ROBO2: variants seen among roughly 807,000 people sequenced by gnomAD.
The protein encoded by ROBO2 is roundabout guidance receptor 2.
ROBO2 carries 53 observed loss-of-function variants against 160.8 expected under a neutral mutation model. That is an observed-to-expected ratio of 0.33 (90% CI 0.26 to 0.41). The LOEUF (loss-of-function observed/expected upper bound fraction) is 0.41. Among genes scored for constraint, ROBO2 ranks in the 10% least tolerant of loss-of-function variants. The probability of loss-of-function intolerance (pLI) is 1.00; values close to 1 mark genes in which losing one functional copy is unlikely to be tolerated. For synonymous variants in ROBO2, 664 were observed against 611.7 expected (o/e 1.09, Z -1.26); for missense variants, 1,577 against 1,722.4 (o/e 0.92, Z 1.49).
chr3:76,659,356 T>C (rs1393165118), intron 2 of ROBO2, among the ~76,000 whole-genome samples: 1 of 149,338 alleles, frequency 6.7e-6, no homozygotes, highest in Non-Finnish European at 1.5e-5. Context: ...CATATAAATA[T>C]ATACATATAT....
At chr3:76,637,152 C>T (rs1469882015) in intron 2 of ROBO2, among the ~76,000 whole-genome samples, 6 of 152,080 alleles carry the variant, frequency 3.9e-5, no homozygotes, top group East Asian at 1.9e-4. Flanking sequence ...GACTATACAG[C>T]AGTGTTCACA....
chr3:77,316,466 T>C (rs1481383362), intron 2 of ROBO2, among the ~76,000 whole-genome samples: 4 of 152,108 alleles, frequency 2.6e-5, no homozygotes, highest in Non-Finnish European at 5.9e-5. Flanking sequence ...TGCCTACATA[T>C]TACCAGCTAC....
At chr3:77,425,298 G>T (rs1376533257) in intron 2 of ROBO2, among the ~76,000 whole-genome samples, 1 of 152,042 alleles carries the variant, frequency 6.6e-6, no homozygotes, top group Non-Finnish European at 1.5e-5. Context: ...ATTGCAAATT[G>T]CTGGAAGTAT....
intron 2 of ROBO2, among the ~76,000 whole-genome samples, chr3:75,962,970 T>A (rs527954804): frequency 1.3e-5 from 2 of 151,892 alleles, no homozygotes; most frequent in Non-Finnish European, 2.9e-5. Context: ...ATCTGTCTCC[T>A]TTCCTTCAGG....
At chr3:75,965,027 T>C (rs1380784306) in intron 2 of ROBO2, 2 of 151,634 alleles carry the variant, frequency 1.3e-5, no homozygotes, top group Admixed American at 6.6e-5. Context: ...CTGTAACTGG[T>C]TGTGATTAAT....
intron 2 of ROBO2, among the ~76,000 whole-genome samples, chr3:76,291,584 G>T (rs35952754): frequency 0.051 from 7,780 of 152,074 alleles, 208 homozygotes; most frequent in African/African-American, 0.062. Context: ...GTTTGCTCTT[G>T]TTTTTCTAGT....
intron 2 of ROBO2, among the ~76,000 whole-genome samples, chr3:76,141,685 G>A (rs113914040): frequency 5.1e-4 from 77 of 152,072 alleles, no homozygotes; most frequent in Middle Eastern, 3.4e-3. Flanking sequence ...CTGAGTCCCA[G>A]TCTAGAGATC....
intron 1 of ROBO2, among the ~76,000 whole-genome samples, chr3:77,050,346 C>G (rs2065092454): frequency 3.9e-5 from 6 of 152,014 alleles, no homozygotes; most frequent in African/African-American, 1.2e-4. Flanking sequence ...TTCTAAGTAC[C>G]TTTGAATGCC....
chr3:76,109,059 TTAA>T (rs1359410721), intron 2 of ROBO2, among the ~76,000 whole-genome samples: 4 of 151,976 alleles, frequency 2.6e-5, no homozygotes, highest in Non-Finnish European at 4.4e-5. Context: ...TCTAAAATCA[TTAA>T]TAATGCTGCT....
At chr3:77,495,336 C>T (rs977216884) in intron 5 of ROBO2, among the ~76,000 whole-genome samples, 4 of 152,030 alleles carry the variant, frequency 2.6e-5, no homozygotes, top group South Asian at 2.1e-4. Context: ...TACACTACAC[C>T]CAGTTTTCCT....
intron 2 of ROBO2, among the ~76,000 whole-genome samples, chr3:76,747,032 T>C (rs984245576): frequency 2.0e-5 from 3 of 152,152 alleles, no homozygotes; most frequent in Non-Finnish European, 2.9e-5. Flanking sequence ...TGTACCACAT[T>C]TTCTTTATCC....
chr3:76,889,125 G>A (rs2074145406), intron 2 of ROBO2, among the ~76,000 whole-genome samples: 1 of 152,154 alleles, frequency 6.6e-6, no homozygotes, highest in Non-Finnish European at 1.5e-5. Flanking sequence ...CTTGACTGAT[G>A]ATAGTTGTTG....
In ROBO2 at chr3:75,943,665, A is replaced by T. The variant is rs1409308274; in HGVS notation, c.109+6063A>T. Among the ~76,000 whole-genome samples the T allele has an allele frequency of 3.9e-5, 6 of 152,156 alleles. 1 individual carries two copies. The highest frequency in any genetic ancestry group is 2.0e-4 in the Admixed American group (3 of 15,270). ...TAAAGTGGTAGGATCAGATGTGAGA[A>T]ATATATAAACTAAGATATTCTTTTT... On this transcript the variant is annotated intron_variant, in intron 2 of 26. Transcript: ENST00000487694.
rs536648330 is a variant in ROBO2, at chr3:77,579,744, A to T, written c.2329-203A>T. ...AGCTTCCCTTATTGTTCTTCCTTTA[A>T]TACAGGTGCATGTGCACACAAACAC... On this transcript the variant is annotated intron_variant, in intron 15 of 25. Transcript: ENST00000461745. 3.9e-5 allele frequency among the ~76,000 whole-genome samples: 6 copies of T among 152,308 alleles called. No individual in the cohort carries two copies. The East Asian group carries it at 1.2e-3, about 29-fold the overall frequency.
chr3:77,203,681 C>T lies in ROBO2; in HGVS notation c.388+105341C>T, dbSNP rs1230669692. 2.6e-5 allele frequency among the ~76,000 whole-genome samples: 4 copies of T among 152,154 alleles called. No homozygotes were observed. The East Asian group carries it at 7.7e-4, about 29-fold the overall frequency. ...TACTTCACATTTTTATTGAAAGAGG[C>T]TTCGAGGCTTCTCTTTACAAGACAT... is the stretch of plus-strand genomic sequence containing the variant. On this transcript the variant is annotated intron_variant, in intron 2 of 25. Coordinates refer to ENST00000461745, the Ensembl canonical transcript of ROBO2.
chr3:77,414,532 A>T (rs965335008), intron 2 of ROBO2, among the ~76,000 whole-genome samples: 1 of 152,240 alleles, frequency 6.6e-6, no homozygotes, highest in African/African-American at 2.4e-5. Flanking sequence ...AGAAAAATTA[A>T]TGATACAGCA....
Position 77,522,915 on chromosome 3 carries a change from A to G in ROBO2, c.934+13A>G, listed in dbSNP as rs1422961602. The G allele has an allele frequency of 1.2e-6, 2 of 1,608,608 alleles. No individual in the cohort carries two copies. Among genetic ancestry groups the G allele is most frequent in the South Asian group, 2.2e-5 (2 of 90,994 alleles). On this transcript the variant is annotated intron_variant, in intron 6 of 25. Transcript: ENST00000461745. Reference sequence around the variant, plus strand: ...CTCACCGTCCGAGGTAAGAGATTTAAGATGTCAAAGATAATTGAACCAGGA... The same window carrying G: ...CTCACCGTCCGAGGTAAGAGATTTAGGATGTCAAAGATAATTGAACCAGGA...
chr3:75,950,700 T>G (rs1003257003), intron 2 of ROBO2, among the ~76,000 whole-genome samples: 7 of 151,798 alleles, frequency 4.6e-5, no homozygotes, highest in Admixed American at 2.6e-4. Flanking sequence ...TTATGTATTC[T>G]CCCCATGTCT....
intron 2 of ROBO2, among the ~76,000 whole-genome samples, chr3:77,217,843 TCTAGA>T (rs2085185748): frequency 1.3e-5 from 2 of 152,162 alleles, no homozygotes; most frequent in African/African-American, 4.8e-5. Flanking sequence ...AAACCCAGGG[TCTAGA>T]CTAAACTGTT....
Sources: allele counts gnomAD v4.1 joint callset (sites outside exome capture counted in the v4.1 genomes callset), GRCh38; gene constraint gnomAD v4.1.1; transcripts MANE v1.5; gene names NCBI Gene and HGNC (gene_info 2026-07-23, HGNC 2026-07-21).